Variants in PLPPR1 observed in about 807,000 individuals in gnomAD.
The protein encoded by PLPPR1 is phospholipid phosphatase-related protein type 1.
In PLPPR1, 10 loss-of-function variants were observed where a neutral mutation model predicts 33.1. That is an observed-to-expected ratio of 0.30 (90% confidence interval 0.19 to 0.51). PLPPR1 has a LOEUF of 0.51. PLPPR1 is among the 20% of genes least tolerant of loss of function. The pLI is 0.97. For synonymous variants in PLPPR1, 151 were observed against 151.0 expected, an observed-to-expected ratio of 1.00 and a Z score of 0.00; for missense variants, 304 against 408.1, an observed-to-expected ratio of 0.74 and a Z score of 2.20.
chr9:101,136,737 C>T (rs894344768), intron 1 of PLPPR1, among the ~76,000 whole-genome samples: 1 of 152,144 alleles, frequency 6.6e-6, no homozygotes, highest in African/African-American at 2.4e-5. Flanking sequence ...TGGCTTGCAG[C>T]ATCTGGCTCT....
At chr9:101,181,127 A>ATATTATATATCTAATATATATTAGATATG (rs1554732804) in intron 1 of PLPPR1, among the ~76,000 whole-genome samples, 1 of 147,512 alleles carries the variant, frequency 6.8e-6, no homozygotes, top group Non-Finnish European at 1.5e-5. Context: ...TATATTAGAT[A>ATATTATATATCTAATATATATTAGATATG]TATTATATAT....
At chr9:101,186,918 CAAAG>C (rs1029076954) in intron 2 of PLPPR1, among the ~76,000 whole-genome samples, 11 of 151,840 alleles carry the variant, frequency 7.2e-5, no homozygotes, top group Non-Finnish European at 5.9e-5. Flanking sequence ...AATGGGTAAA[CAAAG>C]AACTCATCAT....
At chr9:101,171,268 T>C (rs1175853968) in intron 1 of PLPPR1, among the ~76,000 whole-genome samples, 1 of 152,140 alleles carries the variant, frequency 6.6e-6, no homozygotes, top group Non-Finnish European at 1.5e-5. Flanking sequence ...AGACTAGTCT[T>C]ATGAACAAGG....
At chr9:101,283,636 G>A (rs1588110282) in intron 3 of PLPPR1, among the ~76,000 whole-genome samples, 2 of 152,152 alleles carry the variant, frequency 1.3e-5, no homozygotes, top group Non-Finnish European at 2.9e-5. Flanking sequence ...GGCAACAAAA[G>A]CAAAAATAGA....
At chr9:101,187,919 G>A (rs1478587806) in intron 2 of PLPPR1, 1 of 151,668 alleles carries the variant, frequency 6.6e-6, no homozygotes, top group Non-Finnish European at 1.5e-5. Flanking sequence ...TATGAAGTTT[G>A]GGGCTTCTTT....
At chr9:101,237,875 C>CAT (rs200442406) in intron 2 of PLPPR1, among the ~76,000 whole-genome samples, 1,789 of 130,574 alleles carry the variant, frequency 0.014, 39 homozygotes, top group African/African-American at 0.044. Flanking sequence ...TATACACACA[C>CAT]ATATATATAT....
At chr9:101,190,139 C>G (rs1006371117) in intron 2 of PLPPR1, among the ~76,000 whole-genome samples, 1 of 152,142 alleles carries the variant, frequency 6.6e-6, no homozygotes. Context: ...CAAAGTTGAT[C>G]TTTCCTTGTA....
intron 1 of PLPPR1, among the ~76,000 whole-genome samples, chr9:101,090,625 G>C (rs541817297): frequency 6.6e-6 from 1 of 152,114 alleles, no homozygotes; most frequent in East Asian, 1.9e-4. Flanking sequence ...CTCTTCAATA[G>C]TAATGCATTC....
chr9:101,187,886 C>T (rs1826230865), intron 2 of PLPPR1: 2 of 151,890 alleles, frequency 1.3e-5, no homozygotes, highest in African/African-American at 2.4e-5. Context: ...TCCTATTGTC[C>T]TGAAGCCAGA....
chr9:101,141,344 G>A (rs941803415), intron 1 of PLPPR1, among the ~76,000 whole-genome samples: 18 of 152,134 alleles, frequency 1.2e-4, no homozygotes, highest in African/African-American at 2.2e-4. Context: ...GAGCATCCTC[G>A]TTATGCCAGT....
chr9:101,163,399 C>T (rs1019827901), intron 1 of PLPPR1, among the ~76,000 whole-genome samples: 21 of 152,178 alleles, frequency 1.4e-4, no homozygotes, highest in African/African-American at 5.1e-4. Flanking sequence ...AAGGAGTAGA[C>T]AGAAATGCAG....
At chr9:101,170,076 G>T (rs984461335) in intron 1 of PLPPR1, among the ~76,000 whole-genome samples, 1 of 151,952 alleles carries the variant, frequency 6.6e-6, no homozygotes, top group Non-Finnish European at 1.5e-5. Flanking sequence ...GCTGAGGGAC[G>T]TTGTTTATAT....
chr9:101,061,855 C>T (rs1239703299), intron 1 of PLPPR1, among the ~76,000 whole-genome samples: 1 of 151,900 alleles, frequency 6.6e-6, no homozygotes, highest in Non-Finnish European at 1.5e-5. Flanking sequence ...AATATGATAA[C>T]CTCTACAGTT....
At chr9:101,053,279 T>A (rs1368100916) in intron 1 of PLPPR1, among the ~76,000 whole-genome samples, 1 of 152,172 alleles carries the variant, frequency 6.6e-6, no homozygotes, top group Non-Finnish European at 1.5e-5. Context: ...ACTTCCTTTC[T>A]TAATGTCGTC....
chr9:101,139,589 T>C (rs1221387912), intron 1 of PLPPR1, among the ~76,000 whole-genome samples: 1 of 152,180 alleles, frequency 6.6e-6, no homozygotes, highest in Non-Finnish European at 1.5e-5. Context: ...GGTAGTCAGA[T>C]AAGATGCCAG....
In PLPPR1 at chr9:101,111,767, A is replaced by C. The variant is rs1588033200; in HGVS notation, c.-45-73683A>C. On this transcript the variant is annotated intron_variant, in intron 1 of 7. Coordinates refer to ENST00000374874, the MANE Select transcript of PLPPR1 (RefSeq NM_207299.2). ...ATTTTCTGAGTCTCTCTGACCCCAC[A>C]GCAGTGCAAATGCTTGCATTTCTCT... 2.0e-5 allele frequency among the ~76,000 whole-genome samples: 3 copies of C among 152,222 alleles called. No individual in the cohort carries two copies. In the South Asian group the frequency reaches 6.2e-4, roughly 31 times the overall value.
chr9:101,167,141 G>GTGTGTGTGTGTGTGTGTGTGTGT (rs1825869572), intron 1 of PLPPR1, among the ~76,000 whole-genome samples: 1 of 39,744 alleles, frequency 2.5e-5, no homozygotes, highest in African/African-American at 8.2e-5. Context: ...TATGTCTCTC[G>GTGTGTGTGTGTGTGTGTGTGTGT]GTGTGTGTGT....
chr9:101,138,955 G>T (rs770390278), intron 1 of PLPPR1, among the ~76,000 whole-genome samples: 8 of 152,090 alleles, frequency 5.3e-5, no homozygotes, highest in Non-Finnish European at 8.8e-5. Context: ...ATGGGACATA[G>T]TTGTCTTTTC....
intron 1 of PLPPR1, among the ~76,000 whole-genome samples, chr9:101,082,798 G>A (rs528484744): frequency 6.6e-6 from 1 of 152,322 alleles, no homozygotes; most frequent in South Asian, 2.1e-4. Flanking sequence ...GATCAAGCAA[G>A]TTAATCTTTC....
Sources: allele counts gnomAD v4.1 joint callset (sites outside exome capture counted in the v4.1 genomes callset), GRCh38; gene constraint gnomAD v4.1.1; transcripts MANE v1.5; gene names NCBI Gene and HGNC (gene_info 2026-07-23, HGNC 2026-07-21).